The following PLEKHG4B variants were observed in gnomAD, a reference collection of about 807,000 sequenced individuals.
PLEKHG4B encodes the protein pleckstrin homology domain-containing family G member 4B.
Under a neutral mutation model 121.3 loss-of-function variants are expected in PLEKHG4B, and 111 were observed. That is an observed-to-expected ratio of 0.92 (90% CI 0.78 to 1.07). The LOEUF (loss-of-function observed/expected upper bound fraction) is 1.07. Among genes scored for constraint, PLEKHG4B ranks in the 50% least tolerant of loss-of-function variants. The probability of loss-of-function intolerance (pLI) is 0.00; values close to 1 mark genes in which losing one functional copy is unlikely to be tolerated. For synonymous variants in PLEKHG4B, 738 were observed against 725.0 expected (o/e 1.02, Z -0.29); for missense variants, 1,831 against 1,757.8 (o/e 1.04, Z -0.74).
At chr5:104,910 C>T (rs1172005854) in intron 1 of PLEKHG4B, among the ~76,000 whole-genome samples, 1 of 152,284 alleles carries the variant, frequency 6.6e-6, no homozygotes, top group African/African-American at 2.4e-5. Context: ...TGCCAGCTCC[C>T]TCCATGGTGG....
chr5:169,870 G>T (rs956889603), intron 14 of PLEKHG4B, among the ~76,000 whole-genome samples: 2 of 152,194 alleles, frequency 1.3e-5, no homozygotes, highest in African/African-American at 2.4e-5. Flanking sequence ...CACCCATTCT[G>T]CCAGCAGCCC....
chr5:173,123 C>G, intron 17 of PLEKHG4B, 56 bp downstream of exon 17: 2 of 1,561,126 alleles, frequency 1.3e-6, no homozygotes. Context: ...CCAAGGGGGT[C>G]TCGGACCCTT....
chr5:94,905 C>G (rs984039666), intron 1 of PLEKHG4B, among the ~76,000 whole-genome samples: 2 of 152,222 alleles, frequency 1.3e-5, no homozygotes, highest in East Asian at 1.9e-4. Context: ...CCTACCTCTC[C>G]GAGTACCCTA....
chr5:155,954 G>A (rs1735763553), intron 9 of PLEKHG4B, 117 bp from the exon 10 acceptor site: 1 of 1,104,554 alleles, frequency 9.1e-7, no homozygotes, highest in Admixed American at 2.5e-5. Context: ...GCACTGTCAT[G>A]CCGCCAGGCC....
chr5:110,965 T>C (rs10067522), intron 1 of PLEKHG4B, among the ~76,000 whole-genome samples: 28,385 of 152,274 alleles, frequency 0.19, 3,715 homozygotes, highest in African/African-American at 0.37. Context: ...GTGTCTGCTC[T>C]CTCTCCTGGC....
chr5:188,536 T>C lies in PLEKHG4B; in HGVS notation c.*6213T>C, dbSNP rs1343890551. 2.0e-5 allele frequency: 3 copies of C among 152,248 alleles called. No individual in the cohort carries two copies. Among genetic ancestry groups the C allele is most frequent in the Non-Finnish European group, 4.4e-5 (3 of 68,042 alleles). The allele number at this position is 152,248 out of a possible 1,614,324, so 9.4% of individuals were successfully genotyped here. On this transcript the variant is annotated 3_prime_UTR_variant, in exon 20 of 20. Coordinates refer to ENST00000637938, the MANE Select transcript of PLEKHG4B (RefSeq NM_052909.5). Reference sequence around the variant, plus strand: ...TGTGCCTGTGACATAGAGAATGTTTTCCACACCGCGTGTGAAATGACGAGA... The same window carrying C: ...TGTGCCTGTGACATAGAGAATGTTTCCCACACCGCGTGTGAAATGACGAGA...
At position 182,355 on chromosome 5, in the gene PLEKHG4B, G is replaced by A. The variant is rs777602796; in HGVS notation, c.*32G>A. The A allele has an allele frequency of 1.9e-6, 3 of 1,552,920 alleles. No homozygotes were observed. Among genetic ancestry groups the A allele is most frequent in the African/African-American group, 2.7e-5 (2 of 73,570 alleles). ...TCAGGGTGGCAGTGCCCATCATGTG[G>A]CTAGAACAATACAGAGGGAGCAGCA... On this transcript the variant is annotated 3_prime_UTR_variant, in exon 20 of 20. Transcript: ENST00000637938.
intron 11 of PLEKHG4B, 135 bp from the exon 12 acceptor site, chr5:161,648 T>G: frequency 8.4e-6 from 9 of 1,071,356 alleles, no homozygotes; most frequent in Non-Finnish European, 1.1e-5. Flanking sequence ...CTCTCGAGAA[T>G]GAGAGGCAGC....
rs1560962033 is a variant in PLEKHG4B at position 184,003 on chromosome 5, A to AGATAGATC, written c.*1687_*1688insCGATAGAT. On this transcript the variant is annotated 3_prime_UTR_variant, in exon 20 of 20. Transcript: ENST00000637938. ...TAGATAGATAGATCGATAGATAGAT[A>AGATAGATC]GATAGATAGATAGATAGATAGATAG... 6.9e-6 allele frequency: 1 copy of AGATAGATC among 144,282 alleles called. No homozygotes were observed. The highest frequency in any genetic ancestry group is 1.5e-5 in the Non-Finnish European group (1 of 67,722). The allele number at this position is 144,282 out of a possible 1,614,324, so 8.9% of individuals were successfully genotyped here. A position where few individuals can be genotyped will look rare whatever the true frequency, so the allele number is the denominator to read the frequency against.
At position 181,654 on chromosome 5, in the gene PLEKHG4B, G is replaced by C. The variant is rs749178252; in HGVS notation, c.4543G>C (p.Asp1515His). The C allele has an allele frequency of 1.9e-6, 3 of 1,613,640 alleles. No individual in the cohort carries two copies. The East Asian group carries it at 6.7e-5, about 36-fold the overall frequency. The change falls in exon 19 of 20, where the codon GAC (aspartate) becomes CAC (histidine). Residue 1515 changes from aspartate to histidine, a missense_variant. Physicochemically the swap from Asp to His is moderately conservative, Grantham distance 81. Coordinates refer to ENST00000637938, the MANE Select transcript of PLEKHG4B (RefSeq NM_052909.5). Reference sequence around the variant, plus strand: ...TGCAGTGATGAGCGACCGAGTCCCCGACAGCATCGTCAAGGGCACAGGTAC... The same window carrying C: ...TGCAGTGATGAGCGACCGAGTCCCCCACAGCATCGTCAAGGGCACAGGTAC... ...KCAVMSDRVP[D>H]SIVKGTESQM...
In PLEKHG4B at chr5:171,094, G is replaced by C. The variant is rs768703241; in HGVS notation, c.3781G>C (p.Asp1261His). 7.4e-6 allele frequency: 12 copies of C among 1,613,318 alleles called. No homozygotes were observed. In the South Asian group the frequency reaches 1.3e-4, roughly 18 times the overall value. Reference protein sequence around the residue: ...VIYSKNKPQSDALLSSHGNAF... With the variant: ...VIYSKNKPQSHALLSSHGNAF... ...CTACAGCAAAAACAAGCCGCAGTCG[G>C]ATGCCCTGCTCAGCAGCCATGGCAA... Residue 1261 changes from aspartate to histidine, a missense_variant, in exon 15 of 20, where the codon GAT (aspartate) becomes CAT (histidine). Asp to His is a moderately conservative substitution (Grantham distance 81). Transcript: ENST00000637938.
chr5:133,838 T>C (rs1734847221), intron 2 of PLEKHG4B, among the ~76,000 whole-genome samples: 1 of 151,398 alleles, frequency 6.6e-6, no homozygotes, highest in Non-Finnish European at 1.5e-5. Context: ...CACACGTTTA[T>C]AGCAGTACAA....
In PLEKHG4B at chr5:169,374, G is replaced by T; in HGVS notation, c.3511G>T (p.Ala1171Ser). ...RLRHIMAEMIATEREYIRCLG... is the reference protein window; with the variant it reads ...RLRHIMAEMISTEREYIRCLG... ...GAGGCACATCATGGCCGAGATGATC[G>T]CCACAGAGAGGGAGTACATTCGGTG... Residue 1171 changes from alanine (A) to serine (S), a missense_variant, in exon 14 of 20, where the codon GCC becomes TCC. Transcript: ENST00000637938. 1 of 1,614,042 alleles carries T rather than the reference G, an allele frequency of 6.2e-7. No homozygotes were observed. The highest frequency in any genetic ancestry group is 1.1e-5 in the South Asian group (1 of 91,074).
Position 143,400 on chromosome 5 carries a change from A to G in PLEKHG4B, c.1708A>G (p.Arg570Gly), listed in dbSNP as rs1465394102. The change falls in exon 5 of 20, where the codon AGA becomes GGA. Residue 570 changes from arginine (R) to glycine (G), a missense_variant. Coordinates refer to ENST00000637938, the MANE Select transcript of PLEKHG4B (RefSeq NM_052909.5). ...TLPGTRDRHG[R>G]AVVQVRTRSL... is the part of the protein sequence containing the mutation. Reference sequence around the variant, plus strand: ...CGCAGGGACCCGAGACCGTCATGGCAGAGCAGTGGTGCAGGTCCGCACCAG... The same window carrying G: ...CGCAGGGACCCGAGACCGTCATGGCGGAGCAGTGGTGCAGGTCCGCACCAG... The G allele has an allele frequency of 6.2e-7, 1 of 1,612,774 alleles. No homozygotes were observed. Among genetic ancestry groups the G allele is most frequent in the Non-Finnish European group, 8.5e-7 (1 of 1,179,962 alleles).
At chr5:127,703 A>G (rs987941373) in intron 2 of PLEKHG4B, among the ~76,000 whole-genome samples, 4 of 152,156 alleles carry the variant, frequency 2.6e-5, no homozygotes, top group African/African-American at 9.7e-5. Flanking sequence ...GTCACCAGCC[A>G]CAGTGATTAG....
intron 1 of PLEKHG4B, among the ~76,000 whole-genome samples, chr5:112,706 A>G (rs1381933212): frequency 6.6e-6 from 1 of 152,214 alleles, no homozygotes; most frequent in Non-Finnish European, 1.5e-5. Flanking sequence ...TGAAAACAAA[A>G]TCATCGACAC....
In PLEKHG4B at chr5:163,449, G is replaced by A; in HGVS notation, c.3377G>A (p.Trp1126Ter). ...GCCACAGAGAAGAAGCTCCCGCTGT[G>A]GCAGCATGCCAGGAGCCCCCCGGTC... ...TVATEKKLPL[W>*]QHARSPPVTQ... The change falls in exon 13 of 20, where the codon TGG (tryptophan) becomes TAG (stop). Residue 1126 changes from tryptophan to a stop codon, truncating the protein, a stop_gained. Coordinates refer to ENST00000637938, the MANE Select transcript of PLEKHG4B (RefSeq NM_052909.5). LOFTEE classifies it high-confidence loss of function. 6.2e-7 allele frequency: 1 copy of A among 1,612,982 alleles called. No homozygotes were observed.
chr5:111,051 G>C (rs1283986977), intron 1 of PLEKHG4B, among the ~76,000 whole-genome samples: 1 of 152,216 alleles, frequency 6.6e-6, no homozygotes, highest in African/African-American at 2.4e-5. Flanking sequence ...CTCCTTCGGA[G>C]TCCTGCACAC....
chr5:135,062 G>A (rs1481403358), intron 2 of PLEKHG4B, among the ~76,000 whole-genome samples: 6 of 150,824 alleles, frequency 4.0e-5, no homozygotes, highest in African/African-American at 7.3e-5. Context: ...GGTGGCGGGC[G>A]CCTGTAGTCC....
Sources: gnomAD v4.1 joint callset for allele counts (sites outside exome capture counted in the v4.1 genomes callset) on GRCh38, gnomAD v4.1.1 for gene constraint, MANE v1.5 for transcripts, NCBI Gene and HGNC (gene_info 2026-07-23, HGNC 2026-07-21) for gene names.